The following SFI1 variants were observed in gnomAD, a reference collection of about 807,000 sequenced individuals.
SFI1 encodes protein SFI1 homolog.
In SFI1, 195 loss-of-function variants were observed where a neutral mutation model predicts 207.5. The ratio of observed to expected loss-of-function variants is 0.94; its 90% CI spans 0.84 to 1.06. The LOEUF is 1.06. SFI1 is among the 50% of genes least tolerant of loss of function. The pLI is 0.00. For synonymous variants in SFI1, 630 were observed against 598.9 expected (o/e 1.05, Z -0.76); for missense variants, 1,634 against 1,588.0 (o/e 1.03, Z -0.49).
chr22:31,498,005 A>G (rs1202680967), intron 1 of SFI1, among the ~76,000 whole-genome samples: 2 of 152,224 alleles, frequency 1.3e-5, no homozygotes, highest in Admixed American at 1.3e-4. Flanking sequence ...TAAGAAATAC[A>G]TTTTGTGGGC....
intron 1 of SFI1, chr22:31,497,411 G>A (rs2052878901): frequency 6.6e-6 from 1 of 152,148 alleles, no homozygotes. Flanking sequence ...TCTGTGATCA[G>A]TGATCTTTGA....
At chr22:31,600,044 T>C (rs2067863131) in intron 15 of SFI1, among the ~76,000 whole-genome samples, 1 of 151,994 alleles carries the variant, frequency 6.6e-6, no homozygotes, top group Admixed American at 6.6e-5. Context: ...TTGTCATACA[T>C]TTTATGTCTA....
In SFI1 at chr22:31,519,216, G is replaced by T. The variant is rs532633546; in HGVS notation, c.93-9474G>T. On this transcript the variant is annotated intron_variant, in intron 2 of 32. Transcript: ENST00000400288. Reference sequence around the variant, plus strand: ...TAGCATTAAATGCATGTATTATAAAGGAATTAAGACTGAAAACCAGCGAAC... The same window carrying T: ...TAGCATTAAATGCATGTATTATAAATGAATTAAGACTGAAAACCAGCGAAC... Among the ~76,000 whole-genome samples, 351 of 151,788 alleles carry T rather than the reference G, an allele frequency of 2.3e-3. 4 individuals carry two copies. In the Middle Eastern group the frequency reaches 0.034, roughly 15 times the overall value.
chr22:31,598,421 G>A (rs1025343700), intron 15 of SFI1, among the ~76,000 whole-genome samples: 2 of 151,770 alleles, frequency 1.3e-5, no homozygotes, highest in Non-Finnish European at 2.9e-5. Flanking sequence ...TCTGATTTCC[G>A]TCATCATAGG....
At chr22:31,560,702 CTT>C (rs760344163) in intron 7 of SFI1, among the ~76,000 whole-genome samples, 3 of 125,092 alleles carry the variant, frequency 2.4e-5, no homozygotes, top group African/African-American at 3.0e-5. Flanking sequence ...CACGCCTGGC[CTT>C]TTTTTTTTTT....
At chr22:31,566,161 T>G (rs1425262384) in intron 8 of SFI1, among the ~76,000 whole-genome samples, 4 of 150,522 alleles carry the variant, frequency 2.7e-5, no homozygotes, top group Non-Finnish European at 5.9e-5. Flanking sequence ...TGGCACAATC[T>G]CAGCTCACTG....
intron 6 of SFI1, among the ~76,000 whole-genome samples, chr22:31,552,198 A>G (rs1247751746): frequency 1.3e-5 from 2 of 152,116 alleles, no homozygotes; most frequent in Non-Finnish European, 2.9e-5. Flanking sequence ...TGTTGGTGCA[A>G]AGGACATGAT....
chr22:31,569,224 TGA>T (rs2062703224), intron 8 of SFI1, among the ~76,000 whole-genome samples: 1 of 152,084 alleles, frequency 6.6e-6, no homozygotes, highest in African/African-American at 2.4e-5. Context: ...CATCACTAGG[TGA>T]GAGGATGGTG....
At position 31,553,838 on chromosome 22, in the gene SFI1, G is replaced by GTTTTTTTTTTTT. The variant is rs58333559; in HGVS notation, c.545-3085_545-3074dup. 1.7e-3 allele frequency among the ~76,000 whole-genome samples: 45 copies of GTTTTTTTTTTTT among 26,306 alleles called. 19 individuals are homozygous for GTTTTTTTTTTTT. The highest frequency in any genetic ancestry group is 2.8e-3 in the Non-Finnish European group (38 of 13,778). The allele number at this position is 26,306 out of a possible 152,430, so 17.3% of individuals were successfully genotyped here. ...ATTCTATTTTTTTTTAATGGATTAT[G>GTTTTTTTTTTTT]TTTTTTTTTTTTTTTTTTTTTTTTT... On this transcript the variant is annotated intron_variant, in intron 6 of 32. Transcript: ENST00000400288.
intron 7 of SFI1, among the ~76,000 whole-genome samples, chr22:31,558,485 A>G (rs199593517): frequency 3.7e-5 from 5 of 134,210 alleles, no homozygotes; most frequent in African/African-American, 1.4e-4. Flanking sequence ...TTTTTTTTTT[A>G]TGAGATGGAG....
chr22:31,539,229 C>T (rs753833643), intron 4 of SFI1, among the ~76,000 whole-genome samples: 5 of 152,180 alleles, frequency 3.3e-5, no homozygotes, highest in Admixed American at 6.6e-5. Flanking sequence ...AATGGCCCCT[C>T]ATTGGTCTCC....
intron 15 of SFI1, among the ~76,000 whole-genome samples, chr22:31,594,017 AGAGGGAGAGG>A (rs2066654174): frequency 7.1e-6 from 1 of 141,560 alleles, no homozygotes; most frequent in Non-Finnish European, 1.6e-5. Context: ...AGGGAGAGGG[AGAGGGAGAGG>A]GAGGTGTCCA....
chr22:31,510,965 G>A (rs1269318154), intron 2 of SFI1, among the ~76,000 whole-genome samples: 2 of 151,980 alleles, frequency 1.3e-5, no homozygotes, highest in Admixed American at 1.3e-4. Context: ...TTTAATGAGG[G>A]ACCCTTATGG....
intron 27 of SFI1, chr22:31,614,479 T>C (rs1435584511): frequency 3.6e-6 from 2 of 555,460 alleles, no homozygotes; most frequent in Non-Finnish European, 6.8e-6. Context: ...CTGACCTTGA[T>C]GGGATCCTGA....
rs1601771216 is a variant in SFI1, at chr22:31,500,918, G to C, written c.-31+4281G>C. On this transcript the variant is annotated intron_variant, in intron 1 of 32. Coordinates refer to ENST00000400288, the MANE Select transcript of SFI1 (RefSeq NM_001007467.3). Reference sequence around the variant, plus strand: ...AGGTTCAAGCAATTCTCCTGCCTCAGCCTCCTGAGTAGCTGGGATTACAGG... The same window carrying C: ...AGGTTCAAGCAATTCTCCTGCCTCACCCTCCTGAGTAGCTGGGATTACAGG... Among the ~76,000 whole-genome samples, 3 of 151,636 alleles carry C rather than the reference G, an allele frequency of 2.0e-5. No homozygotes were observed. In the East Asian group the frequency reaches 5.8e-4, roughly 29 times the overall value.
chr22:31,573,146 A>T lies in SFI1; in HGVS notation c.854A>T (p.Gln285Leu). Residue 285 changes from glutamine (Q) to leucine (L), a missense_variant, in exon 9 of 33, where the codon CAA becomes CTA. By Grantham distance (113) the Gln-to-Leu change is moderately radical. Transcript: ENST00000400288. Reference sequence around the variant, plus strand: ...GCAGTGAAACATCATCAGCACTGGCAAAAACGGAGATTTCTAAAGGCCTGG... The same window carrying T: ...GCAGTGAAACATCATCAGCACTGGCTAAAACGGAGATTTCTAAAGGCCTGG... ...VSAVKHHQHW[Q>L]KRRFLKAWLE... 2 of 1,614,102 alleles carry T rather than the reference A, an allele frequency of 1.2e-6. No individual in the cohort carries two copies. Among genetic ancestry groups the T allele is most frequent in the African/African-American group, 2.7e-5 (2 of 75,032 alleles).
chr22:31,608,985 G>A (rs1181929804), intron 22 of SFI1, among the ~76,000 whole-genome samples: 1 of 151,866 alleles, frequency 6.6e-6, no homozygotes, highest in Non-Finnish European at 1.5e-5. Context: ...CAGCTTGGGT[G>A]ACAGAATGAG....
At chr22:31,541,886 A>G (rs553047956) in intron 4 of SFI1, among the ~76,000 whole-genome samples, 242 of 151,780 alleles carry the variant, frequency 1.6e-3, no homozygotes, top group African/African-American at 5.5e-3. Flanking sequence ...GCGGATCACG[A>G]GGTCAGGAGA....
chr22:31,500,277 C>CAA (rs150915256), intron 1 of SFI1, among the ~76,000 whole-genome samples: 2 of 98,440 alleles, frequency 2.0e-5, no homozygotes, highest in Non-Finnish European at 2.0e-5. Context: ...GACTCTGTCT[C>CAA]AAAAAAAAAA....
Sources: allele counts gnomAD v4.1 joint callset (sites outside exome capture counted in the v4.1 genomes callset), GRCh38; gene constraint gnomAD v4.1.1; transcripts MANE v1.5; gene names NCBI Gene and HGNC (gene_info 2026-07-23, HGNC 2026-07-21).